Variants in IL1RAPL1 observed in about 807,000 individuals in gnomAD.
The protein encoded by IL1RAPL1 is interleukin 1 receptor accessory protein like 1.
IL1RAPL1 carries 3 observed loss-of-function variants against 48.4 expected under a neutral mutation model. The ratio of observed to expected loss-of-function variants is 0.06; its 90% CI spans 0.03 to 0.16. IL1RAPL1 has a LOEUF of 0.16. Ranked by LOEUF, IL1RAPL1 falls within the 10% of genes least tolerant of loss-of-function variation. The pLI is 1.00. For synonymous variants in IL1RAPL1, 185 were observed against 187.7 expected (o/e 0.99, Z 0.12); for missense variants, 349 against 530.6 (o/e 0.66, Z 3.36).
At position 29,664,689 on chromosome X, in the gene IL1RAPL1, G is replaced by A. The variant is rs767491118; in HGVS notation, c.704-3741G>A. On this transcript the variant is annotated intron_variant, in intron 5 of 10. Transcript: ENST00000378993. ...ATCTTGGCCTCTTTACCCTGGTGTTGTCATATTTGTTTTAGGAAGATAGTG... is the reference window on the plus strand; with the variant it reads ...ATCTTGGCCTCTTTACCCTGGTGTTATCATATTTGTTTTAGGAAGATAGTG... Among the ~76,000 whole-genome samples the A allele has an allele frequency of 6.6e-4, 74 of 111,587 alleles. 2 individuals are homozygous for A. Among genetic ancestry groups the A allele is most frequent in the Admixed American group, 4.1e-3 (43 of 10,491 alleles).
intron 2 of IL1RAPL1, among the ~76,000 whole-genome samples, chrX:29,186,583 G>A (rs960080184): frequency 5.4e-5 from 6 of 111,509 alleles, no homozygotes; most frequent in African/African-American, 1.6e-4. Flanking sequence ...TCCCATAGTT[G>A]TGGCATTAAG....
At chrX:29,645,458 G>C (rs1042533892) in intron 5 of IL1RAPL1, among the ~76,000 whole-genome samples, 1 of 111,443 alleles carries the variant, frequency 9.0e-6, no homozygotes, top group Non-Finnish European at 1.9e-5. Flanking sequence ...GGGGGAAAGA[G>C]AGGGAAGTAA....
At chrX:29,406,571 G>A (rs942952157) in intron 5 of IL1RAPL1, among the ~76,000 whole-genome samples, 14 of 110,888 alleles carry the variant, frequency 1.3e-4, no homozygotes, top group African/African-American at 4.6e-4. Flanking sequence ...ATAACTTTGC[G>A]GGTTTTTGCC....
chrX:29,670,668 G>T (rs950811017), intron 6 of IL1RAPL1, among the ~76,000 whole-genome samples: 1 of 112,040 alleles, frequency 8.9e-6, no homozygotes, highest in East Asian at 2.8e-4. Context: ...GACAAAAAAG[G>T]CTTGAGATGA....
intron 2 of IL1RAPL1, among the ~76,000 whole-genome samples, chrX:28,906,669 C>T (rs148546962): frequency 1.8e-5 from 2 of 111,500 alleles, no homozygotes; most frequent in East Asian, 5.6e-4. Context: ...TGTATATATC[C>T]AAGCTATTTA....
At chrX:29,406,897 GTT>G (rs1460756766) in intron 5 of IL1RAPL1, among the ~76,000 whole-genome samples, 1 of 111,441 alleles carries the variant, frequency 9.0e-6, no homozygotes. Context: ...AAGTCATTAC[GTT>G]TTTTGTTGGA....
chrX:28,996,792 A>G (rs1925736284), intron 2 of IL1RAPL1, among the ~76,000 whole-genome samples: 1 of 111,199 alleles, frequency 9.0e-6, no homozygotes, highest in Admixed American at 9.6e-5. Flanking sequence ...TGATATGGTA[A>G]CTCATTGTGA....
intron 2 of IL1RAPL1, among the ~76,000 whole-genome samples, chrX:28,842,475 G>C (rs1921399224): frequency 9.1e-6 from 1 of 110,487 alleles, no homozygotes; most frequent in Non-Finnish European, 1.9e-5. Flanking sequence ...CTTAACTGTT[G>C]AATCTCCTGG....
At chrX:29,929,229 T>C (rs889049074) in intron 8 of IL1RAPL1, among the ~76,000 whole-genome samples, 1 of 111,508 alleles carries the variant, frequency 9.0e-6, no homozygotes, top group African/African-American at 3.3e-5. Flanking sequence ...TGAATGAGAA[T>C]TGACTAAAAA....
At chrX:29,680,478 A>T (rs927687295) in intron 6 of IL1RAPL1, among the ~76,000 whole-genome samples, 1 of 109,883 alleles carries the variant, frequency 9.1e-6, no homozygotes, top group Non-Finnish European at 1.9e-5. Context: ...GCATTGGCTC[A>T]GTGGCTGTTG....
At chrX:29,519,229 A>G (rs1383198095) in intron 5 of IL1RAPL1, among the ~76,000 whole-genome samples, 5 of 111,685 alleles carry the variant, frequency 4.5e-5, no homozygotes. Context: ...TGGAGTAGGC[A>G]ATTGTATATG....
chrX:29,785,303 A>G (rs983362225), intron 6 of IL1RAPL1, among the ~76,000 whole-genome samples: 3 of 112,520 alleles, frequency 2.7e-5, no homozygotes, highest in Non-Finnish European at 5.6e-5. Flanking sequence ...ATGAAAAACT[A>G]TTATACACAT....
At chrX:28,899,525 T>C (rs1227467049) in intron 2 of IL1RAPL1, among the ~76,000 whole-genome samples, 1 of 112,076 alleles carries the variant, frequency 8.9e-6, no homozygotes, top group Non-Finnish European at 1.9e-5. Context: ...GCATTCTAAC[T>C]GTGCATCTGT....
intron 5 of IL1RAPL1, among the ~76,000 whole-genome samples, chrX:29,562,738 G>A (rs375552917): frequency 1.1e-4 from 12 of 111,589 alleles, no homozygotes; most frequent in East Asian, 2.8e-4. Flanking sequence ...TTCTATTTCC[G>A]TCCTAAAACT....
At chrX:29,871,978 C>T (rs756234181) in intron 6 of IL1RAPL1, among the ~76,000 whole-genome samples, 64 of 111,777 alleles carry the variant, frequency 5.7e-4, no homozygotes, top group African/African-American at 2.0e-3. Flanking sequence ...GCCTCAGCCT[C>T]CCAAAGTGCT....
At chrX:29,022,481 C>T (rs899167421) in intron 2 of IL1RAPL1, among the ~76,000 whole-genome samples, 2 of 111,676 alleles carry the variant, frequency 1.8e-5, no homozygotes, top group Non-Finnish European at 3.8e-5. Context: ...ATCAGGTGAT[C>T]AGAATATAGA....
chrX:28,896,715 A>G (rs1361857785), intron 2 of IL1RAPL1, among the ~76,000 whole-genome samples: 2 of 110,388 alleles, frequency 1.8e-5, no homozygotes, highest in Non-Finnish European at 3.8e-5. Flanking sequence ...ATGGGTCTGT[A>G]GAAAAGGAAG....
intron 1 of IL1RAPL1, among the ~76,000 whole-genome samples, chrX:28,605,345 T>G (rs1284183672): frequency 8.9e-6 from 1 of 112,408 alleles, no homozygotes; most frequent in Non-Finnish European, 1.9e-5. Flanking sequence ...GTTCGCAATT[T>G]TCCCATCTCG....
In IL1RAPL1 at chrX:29,182,856, G is replaced by A. The variant is rs781077571; in HGVS notation, c.83-100082G>A. 6.2e-4 allele frequency among the ~76,000 whole-genome samples: 69 copies of A among 111,521 alleles called. 1 individual carries two copies. Among genetic ancestry groups the A allele is most frequent in the Non-Finnish European group, 1.0e-3 (55 of 53,175 alleles). Reference sequence around the variant, plus strand: ...GCCCTAGATTATCCAGGTGGACTCAGTGTATTCACAGGGTCTTTATAAGAG... The same window carrying A: ...GCCCTAGATTATCCAGGTGGACTCAATGTATTCACAGGGTCTTTATAAGAG... On this transcript the variant is annotated intron_variant, in intron 2 of 10. Coordinates refer to ENST00000378993, the MANE Select transcript of IL1RAPL1 (RefSeq NM_014271.4).
Sources: gnomAD v4.1 joint callset for allele counts (sites outside exome capture counted in the v4.1 genomes callset) on GRCh38, gnomAD v4.1.1 for gene constraint, MANE v1.5 for transcripts, NCBI Gene and HGNC (gene_info 2026-07-23, HGNC 2026-07-21) for gene names.